The following TPH2 variants were observed in gnomAD, a reference collection of about 807,000 sequenced individuals.
TPH2 encodes the protein tryptophan hydroxylase 2, also known as tryptophan 5-hydroxylase 2.
A neutral mutation model predicts 59.1 loss-of-function variants in TPH2; 27 were observed. The observed-to-expected ratio is 0.46, with a 90% CI of 0.34 to 0.63. The LOEUF (loss-of-function observed/expected upper bound fraction) is 0.63, where lower values mean the gene tolerates loss of function less well. TPH2 is among the 30% of genes least tolerant of loss of function. The pLI is 0.01. For missense variants in TPH2, 523 were observed against 588.3 expected, an observed-to-expected ratio of 0.89 and a Z score of 1.15; for synonymous variants, 220 against 210.5, an observed-to-expected ratio of 1.05 and a Z score of -0.39.
chr12:71,998,352 G>C (rs1872742049), intron 8 of TPH2, among the ~76,000 whole-genome samples: 1 of 152,174 alleles, frequency 6.6e-6, no homozygotes, highest in African/African-American at 2.4e-5. Flanking sequence ...ATGATGTGGA[G>C]AGTATGGAGG....
At chr12:72,001,578 C>T (rs560321745) in intron 8 of TPH2, among the ~76,000 whole-genome samples, 1 of 151,876 alleles carries the variant, frequency 6.6e-6, no homozygotes, top group Non-Finnish European at 1.5e-5. Flanking sequence ...GGCATGTGCC[C>T]GGCTAATTTT....
chr12:71,970,606 C>G (rs1170725777), intron 5 of TPH2, among the ~76,000 whole-genome samples: 2 of 152,194 alleles, frequency 1.3e-5, no homozygotes, highest in Non-Finnish European at 2.9e-5. Context: ...ACTGGCTTAC[C>G]CAACTCAAAC....
chr12:71,955,486 T>G (rs927027437), intron 5 of TPH2, among the ~76,000 whole-genome samples: 12 of 152,226 alleles, frequency 7.9e-5, no homozygotes, highest in African/African-American at 2.4e-4. Context: ...AGGCAGCGTG[T>G]GAAGCTGTTA....
chr12:71,951,408 T>C (rs753820149), intron 5 of TPH2, among the ~76,000 whole-genome samples: 1 of 152,210 alleles, frequency 6.6e-6, no homozygotes, highest in Non-Finnish European at 1.5e-5. Context: ...GCTCAATGCC[T>C]GGCAGAGCCT....
intron 5 of TPH2, among the ~76,000 whole-genome samples, chr12:71,952,083 C>T (rs537990404): frequency 1.3e-5 from 2 of 152,214 alleles, no homozygotes; most frequent in South Asian, 4.1e-4. Flanking sequence ...ATGAGTCAAC[C>T]AGTTTCATGG....
intron 9 of TPH2, among the ~76,000 whole-genome samples, chr12:72,029,776 G>A (rs1317813190): frequency 2.0e-5 from 3 of 152,126 alleles, no homozygotes; most frequent in African/African-American, 7.2e-5. Flanking sequence ...ATCACATGCA[G>A]GGTGCCCTTT....
At chr12:72,016,513 A>G (rs529414746) in intron 8 of TPH2, among the ~76,000 whole-genome samples, 18 of 152,212 alleles carry the variant, frequency 1.2e-4, no homozygotes, top group African/African-American at 3.9e-4. Context: ...AAGTACACCC[A>G]ATTTAGCCTA....
chr12:72,011,420 C>T (rs746553082), intron 8 of TPH2, among the ~76,000 whole-genome samples: 1 of 152,188 alleles, frequency 6.6e-6, no homozygotes. Flanking sequence ...ACAGATTCAT[C>T]TCCAAGAAAA....
intron 6 of TPH2, among the ~76,000 whole-genome samples, chr12:71,975,749 A>G (rs996809839): frequency 6.6e-6 from 1 of 152,176 alleles, no homozygotes; most frequent in Non-Finnish European, 1.5e-5. Flanking sequence ...AACATCATCT[A>G]CTATATTTGT....
intron 8 of TPH2, among the ~76,000 whole-genome samples, chr12:72,021,356 A>AGT (rs57532900): frequency 0.034 from 4,892 of 143,344 alleles, 140 homozygotes; most frequent in African/African-American, 0.072. Flanking sequence ...GGGCCAATAA[A>AGT]GTGTGTGTGT....
intron 8 of TPH2, among the ~76,000 whole-genome samples, chr12:72,000,278 A>G (rs968012220): frequency 6.6e-6 from 1 of 152,242 alleles, no homozygotes; most frequent in East Asian, 1.9e-4. Flanking sequence ...AATTATTTGC[A>G]TGTCTTGTGG....
At chr12:71,994,716 CAAT>C in intron 8 of TPH2, 151 bp downstream of exon 8, 1 of 982,386 alleles carries the variant, frequency 1.0e-6, no homozygotes, top group Non-Finnish European at 1.5e-6. Context: ...TTTTGAAGCA[CAAT>C]GAGTTATCAG....
At position 71,947,668 on chromosome 12, in the gene TPH2, G is replaced by A. The variant is rs79091437; in HGVS notation, c.541-1920G>A. Among the ~76,000 whole-genome samples, 42 of 152,080 alleles carry A rather than the reference G, an allele frequency of 2.8e-4. No homozygotes were observed. The East Asian group carries it at 8.1e-3, about 29-fold the overall frequency. ...CTTCAGTTCAGAATGGATGGCCAAGGAATGCTGTTTCTCTGTCACTACTAG... is the reference window on the plus strand; with the variant it reads ...CTTCAGTTCAGAATGGATGGCCAAGAAATGCTGTTTCTCTGTCACTACTAG... On this transcript the variant is annotated intron_variant, in intron 4 of 10. Transcript: ENST00000333850.
At chr12:71,966,904 C>A (rs73342876) in intron 5 of TPH2, among the ~76,000 whole-genome samples, 7,758 of 152,154 alleles carry the variant, frequency 0.051, 336 homozygotes, top group South Asian at 0.13. Context: ...AGCAAGGACT[C>A]CAGGAGGCAG....
rs565184357 is a variant in TPH2 at position 72,025,663 on chromosome 12, G to A, written c.1164+3169G>A. Among the ~76,000 whole-genome samples, 450 of 152,268 alleles carry A rather than the reference G, an allele frequency of 3.0e-3. 5 individuals are homozygous for A. Among genetic ancestry groups the A allele is most frequent in the African/African-American group, 0.011 (439 of 41,552 alleles). On this transcript the variant is annotated intron_variant, in intron 9 of 10. Transcript: ENST00000333850. ...TTATTCTAATGATCTGTTCTGTGGT[G>A]TACTTACAGGAATGCCAAAAAGTGC...
intron 5 of TPH2, among the ~76,000 whole-genome samples, chr12:71,966,460 C>T (rs555906637): frequency 2.8e-4 from 42 of 152,118 alleles, no homozygotes; most frequent in African/African-American, 9.2e-4. Context: ...TTTCTCCAAC[C>T]GCCAGGTAGA....
Position 71,944,381 on chromosome 12 carries a change from G to A in TPH2, c.343G>A (p.Gly115Arg), listed in dbSNP as rs1395022546. Residue 115 changes from glycine to arginine, a missense_variant, in exon 3 of 11, where the codon GGG becomes AGG. Gly to Arg is a moderately radical substitution (Grantham distance 125). Transcript: ENST00000333850. ...EVEIFVDCEC[G>R]KTEFNELIQL... ...TGAAATCTTTGTGGACTGTGAGTGT[G>A]GGAAAACAGAATTCAATGAGCTCAT... 2 of 1,613,880 alleles carry A rather than the reference G, an allele frequency of 1.2e-6. No homozygotes were observed. Among genetic ancestry groups the A allele is most frequent in the Non-Finnish European group, 1.7e-6 (2 of 1,179,856 alleles).
chr12:71,951,619 A>T (rs1183776248), intron 5 of TPH2, among the ~76,000 whole-genome samples: 1 of 152,108 alleles, frequency 6.6e-6, no homozygotes, highest in East Asian at 1.9e-4. Flanking sequence ...AACTATTGGG[A>T]TTATAGGTGT....
intron 5 of TPH2, among the ~76,000 whole-genome samples, chr12:71,954,220 C>T (rs572585060): frequency 2.0e-5 from 3 of 152,218 alleles, no homozygotes; most frequent in South Asian, 4.2e-4. Context: ...GCCACTCAGG[C>T]GAGCTTCTGA....
Sources: gnomAD v4.1 joint callset for allele counts (sites outside exome capture counted in the v4.1 genomes callset) on GRCh38, gnomAD v4.1.1 for gene constraint, MANE v1.5 for transcripts, NCBI Gene and HGNC (gene_info 2026-07-23, HGNC 2026-07-21) for gene names.